Variants in GTF2I observed in about 807,000 individuals in gnomAD.
GTF2I encodes the protein general transcription factor II-I.
Under a neutral mutation model 67.6 loss-of-function variants are expected in GTF2I, and 12 were observed. The observed-to-expected ratio is 0.18, with a 90% CI of 0.11 to 0.29. The LOEUF (loss-of-function observed/expected upper bound fraction) is 0.29. Among genes scored for constraint, GTF2I ranks in the 10% least tolerant of loss-of-function variants. The pLI is 1.00. For synonymous variants in GTF2I, 149 were observed against 197.0 expected, an observed-to-expected ratio of 0.76 and a Z score of 2.04; for missense variants, 271 against 580.1, an observed-to-expected ratio of 0.47 and a Z score of 5.47.
intron 8 of GTF2I, among the ~76,000 whole-genome samples, chr7:74,710,619 T>G (rs1414053181): frequency 2.0e-5 from 3 of 152,188 alleles, no homozygotes; most frequent in African/African-American, 7.2e-5. Flanking sequence ...AAAAAACCAA[T>G]GTATCTCATT....
intron 1 of GTF2I, among the ~76,000 whole-genome samples, chr7:74,660,487 C>A (rs977462059): frequency 6.6e-6 from 1 of 152,158 alleles, no homozygotes; most frequent in Non-Finnish European, 1.5e-5. Flanking sequence ...CCACCGCTCC[C>A]GGCCTGTGGT....
At chr7:74,679,386 T>A (rs371406619) in intron 1 of GTF2I, among the ~76,000 whole-genome samples, 13 of 152,138 alleles carry the variant, frequency 8.5e-5, no homozygotes, top group Admixed American at 2.0e-4. Context: ...CCATTTATTT[T>A]TTTTTTAACC....
intron 3 of GTF2I, among the ~76,000 whole-genome samples, chr7:74,696,583 C>T (rs782318353): frequency 9.2e-5 from 14 of 151,956 alleles, no homozygotes; most frequent in African/African-American, 2.4e-4. Context: ...AGCTTCACCT[C>T]CCGGGTTCAC....
At chr7:74,667,818 T>G (rs1426319250) in intron 1 of GTF2I, among the ~76,000 whole-genome samples, 1 of 151,468 alleles carries the variant, frequency 6.6e-6, no homozygotes, top group African/African-American at 2.4e-5. Context: ...ACACCCAGCC[T>G]GATTTTACCA....
intron 1 of GTF2I, among the ~76,000 whole-genome samples, chr7:74,677,862 T>A (rs1314627449): frequency 1.3e-5 from 2 of 150,260 alleles, no homozygotes; most frequent in African/African-American, 4.9e-5. Flanking sequence ...TCTCAAAGAA[T>A]GAAGACAGCT....
chr7:74,718,422 A>G (rs1306139159), intron 11 of GTF2I, among the ~76,000 whole-genome samples: 1 of 152,190 alleles, frequency 6.6e-6, no homozygotes, highest in Non-Finnish European at 1.5e-5. Context: ...CACTTGTGAC[A>G]CTCAGTCTCT....
intron 1 of GTF2I, 193 bp from the exon 2 acceptor site, chr7:74,688,931 A>C: frequency 2.0e-6 from 1 of 498,386 alleles, no homozygotes; most frequent in Non-Finnish European, 3.6e-6. Flanking sequence ...AACAATATAT[A>C]GAAAATTAGG....
At chr7:74,702,150 C>T (rs1789863746) in intron 6 of GTF2I, among the ~76,000 whole-genome samples, 1 of 151,904 alleles carries the variant, frequency 6.6e-6, no homozygotes, top group Non-Finnish European at 1.5e-5. Context: ...AAGGTTTTGT[C>T]TGGACATATT....
intron 1 of GTF2I, among the ~76,000 whole-genome samples, chr7:74,673,029 T>C (rs1805594530): frequency 6.6e-6 from 1 of 151,822 alleles, no homozygotes; most frequent in African/African-American, 2.4e-5. Context: ...CCCGGCTAAT[T>C]TTTTGTATTT....
chr7:74,706,154 G>A (rs1024569093), intron 7 of GTF2I, among the ~76,000 whole-genome samples: 1 of 151,908 alleles, frequency 6.6e-6, no homozygotes, highest in Admixed American at 6.6e-5. Flanking sequence ...TCCTGACCTC[G>A]TGATCTGCCC....
intron 12 of GTF2I, among the ~76,000 whole-genome samples, chr7:74,720,741 ATTT>A (rs35442354): frequency 7.6e-6 from 1 of 132,366 alleles, no homozygotes; most frequent in Non-Finnish European, 1.6e-5. Context: ...TAGAAGCTGT[ATTT>A]TTTTTTTTTT....
At position 74,756,885 on chromosome 7, in the gene GTF2I, G is replaced by A. The variant is rs587705830; in HGVS notation, c.2896+24G>A. On this transcript the variant is annotated intron_variant, in intron 32 of 34. Coordinates refer to ENST00000573035, the MANE Select transcript of GTF2I (RefSeq NM_032999.4). ...AGGTGAGCGAGGCAGGGGAGGGCCCGGAGCTACTCCTGCCTGCACAGTGGC... is the reference window on the plus strand; with the variant it reads ...AGGTGAGCGAGGCAGGGGAGGGCCCAGAGCTACTCCTGCCTGCACAGTGGC... 2 of 228,670 alleles carry A rather than the reference G, an allele frequency of 8.7e-6. 1 individual carries two copies. The highest frequency in any genetic ancestry group is 1.3e-5 in the Non-Finnish European group (2 of 156,130). 14.2% of individuals were successfully genotyped at this position (228,670 alleles called of 1,614,324 possible). A position where few individuals can be genotyped will look rare whatever the true frequency, so the allele number is the denominator to read the frequency against.
At chr7:74,683,028 TAA>T (rs35829955) in intron 1 of GTF2I, among the ~76,000 whole-genome samples, 2 of 151,968 alleles carry the variant, frequency 1.3e-5, no homozygotes, top group African/African-American at 4.8e-5. Flanking sequence ...GCTAAAAGGA[TAA>T]AGTGATGACT....
intron 9 of GTF2I, among the ~76,000 whole-genome samples, chr7:74,712,470 GTAAA>G (rs1446684505): frequency 1.4e-5 from 2 of 148,128 alleles, no homozygotes; most frequent in Non-Finnish European, 3.0e-5. Flanking sequence ...GCTTTACTAC[GTAAA>G]TATTCTCCCG....
Position 74,711,093 on chromosome 7 carries a change from T to A in GTF2I, c.747T>A (p.Tyr249Ter). 1 of 1,448,954 alleles carries A rather than the reference T, an allele frequency of 6.9e-7. No homozygotes were observed. The highest frequency in any genetic ancestry group is 9.5e-7 in the Non-Finnish European group (1 of 1,050,614). 89.8% of individuals were successfully genotyped at this position (1,448,954 alleles called of 1,614,324 possible). The change falls in exon 9 of 35, where the codon TAT becomes TAA. Residue 249 changes from tyrosine to a stop codon, truncating the protein, a stop_gained. Coordinates refer to ENST00000573035, the MANE Select transcript of GTF2I (RefSeq NM_032999.4). LOFTEE classifies it high-confidence loss of function. ...VKEESEDPDY[Y>*]QYNIQAGPSE... Reference sequence around the variant, plus strand: ...AAGAATCAGAAGATCCTGATTATTATCAATATAACATTCAAGGTAATTTGA... The same window carrying A: ...AAGAATCAGAAGATCCTGATTATTAACAATATAACATTCAAGGTAATTTGA...
chr7:74,662,956 A>T (rs1381781397), intron 1 of GTF2I, among the ~76,000 whole-genome samples: 1 of 151,974 alleles, frequency 6.6e-6, no homozygotes, highest in African/African-American at 2.4e-5. Flanking sequence ...TCCTCAGGGG[A>T]TCCCAACTTC....
chr7:74,700,068 G>A (rs1402014256), intron 4 of GTF2I, 179 bp from the exon 5 acceptor site: 8 of 630,198 alleles, frequency 1.3e-5, no homozygotes, highest in African/African-American at 1.8e-5. Context: ...CTTCGGATCA[G>A]TTTCAGGTTT....
chr7:74,704,158 A>AT (rs1790241796), intron 6 of GTF2I, among the ~76,000 whole-genome samples: 1 of 152,194 alleles, frequency 6.6e-6, no homozygotes, highest in African/African-American at 2.4e-5. Context: ...ACCATGAAGT[A>AT]TGATGTTAGT....
intron 1 of GTF2I, chr7:74,684,616 G>GTTT: frequency 6.6e-6 from 1 of 152,456 alleles, no homozygotes; most frequent in Admixed American, 6.5e-5. Context: ...TCTTGGGATG[G>GTTT]GCAAAGAACA....
Sources: gnomAD v4.1 joint callset for allele counts (sites outside exome capture counted in the v4.1 genomes callset) on GRCh38, gnomAD v4.1.1 for gene constraint, MANE v1.5 for transcripts, NCBI Gene and HGNC (gene_info 2026-07-23, HGNC 2026-07-21) for gene names.